COMMD8: variants seen among roughly 807,000 people sequenced by gnomAD.
COMMD8 encodes COMM domain-containing protein 8.
COMMD8 carries 28 observed loss-of-function variants against 27.2 expected under a neutral mutation model. The ratio of observed to expected loss-of-function variants is 1.03; its 90% CI spans 0.76 to 1.41. The LOEUF (loss-of-function observed/expected upper bound fraction) is 1.41, where lower values mean the gene tolerates loss of function less well. COMMD8 is among the 40% of genes most tolerant of loss of function. The probability of loss-of-function intolerance (pLI) is 0.00; values close to 1 mark genes in which losing one functional copy is unlikely to be tolerated. For missense variants in COMMD8, 217 were observed against 211.2 expected (o/e 1.03, Z -0.17); for synonymous variants, 79 against 75.5 (o/e 1.05, Z -0.24).
chr4:47,456,505 T>C, intron 3 of COMMD8, 72 bp downstream of exon 3: 1 of 1,051,642 alleles, frequency 9.5e-7, no homozygotes, highest in Non-Finnish European at 1.3e-6. Flanking sequence ...ATTTTATATA[T>C]ATGATATTAT....
In COMMD8 at chr4:47,451,420, T is replaced by A. The variant is rs1729748116; in HGVS notation, c.*225A>T. 2 of 445,318 alleles carry A rather than the reference T, an allele frequency of 4.5e-6. No homozygotes were observed. The highest frequency in any genetic ancestry group is 4.4e-5 in the Admixed American group (1 of 22,642). 27.6% of individuals were successfully genotyped at this position (445,318 alleles called of 1,614,324 possible). ...GCAAAACAATCATGAAAATATAAAC[T>A]GCTACTATAGATTTTTCATCTTTCA... On this transcript the variant is annotated 3_prime_UTR_variant, in exon 5 of 5. Transcript: ENST00000381571.
chr4:47,452,065 C>G (rs1227270012), intron 4 of COMMD8, among the ~76,000 whole-genome samples: 1 of 152,226 alleles, frequency 6.6e-6, no homozygotes, highest in Non-Finnish European at 1.5e-5. Context: ...GTAAGAATCA[C>G]TGAGACTTAA....
At chr4:47,462,621 T>C (rs1035978263) in intron 1 of COMMD8, among the ~76,000 whole-genome samples, 7 of 152,100 alleles carry the variant, frequency 4.6e-5, no homozygotes, top group African/African-American at 1.7e-4. Context: ...TATATGGTAA[T>C]AAAGGTTATG....
chr4:47,452,382 C>T (rs28625917), intron 4 of COMMD8, among the ~76,000 whole-genome samples: 8 of 152,082 alleles, frequency 5.3e-5, no homozygotes, highest in African/African-American at 1.9e-4. Flanking sequence ...GTTAATAAAG[C>T]CACTTTTTTT....
chr4:47,455,356 T>C (rs1040872905), intron 3 of COMMD8, among the ~76,000 whole-genome samples: 5 of 152,042 alleles, frequency 3.3e-5, no homozygotes, highest in Admixed American at 6.5e-5. Flanking sequence ...AACTCTGAAA[T>C]TGAAATTAAA....
intron 3 of COMMD8, among the ~76,000 whole-genome samples, chr4:47,453,913 T>C (rs1273426897): frequency 6.6e-6 from 1 of 152,198 alleles, no homozygotes; most frequent in East Asian, 1.9e-4. Context: ...TGCTGCCACT[T>C]GCAAAAAAAT....
At chr4:47,461,916 A>T (rs2109358670) in intron 1 of COMMD8, among the ~76,000 whole-genome samples, 1 of 152,352 alleles carries the variant, frequency 6.6e-6, no homozygotes, top group South Asian at 2.1e-4. Context: ...AAATATATAC[A>T]AGGTACGAAG....
At chr4:47,463,177 G>GT (rs1042400696) in intron 1 of COMMD8, among the ~76,000 whole-genome samples, 13 of 151,962 alleles carry the variant, frequency 8.6e-5, no homozygotes, top group South Asian at 6.2e-4. Flanking sequence ...CACCCTCAAG[G>GT]GGGGAGGCAG....
chr4:47,456,519 G>C (rs1450067643), intron 3 of COMMD8, 58 bp downstream of exon 3: 23 of 1,245,034 alleles, frequency 1.8e-5, no homozygotes, highest in Non-Finnish European at 2.4e-5. Flanking sequence ...ATATTATAAA[G>C]ATATTTCTCT....
Position 47,450,917 on chromosome 4 carries a change from T to C in COMMD8, c.*728A>G, listed in dbSNP as rs1017564354. The C allele has an allele frequency of 2.0e-5, 3 of 152,270 alleles. No individual in the cohort carries two copies. Among genetic ancestry groups the C allele is most frequent in the African/African-American group, 7.2e-5 (3 of 41,472 alleles). The allele number at this position is 152,270 out of a possible 1,614,324, so 9.4% of individuals were successfully genotyped here. ...ACAAAAGTGGATGTGTACATAGTCT[T>C]ATCTCATATTTGAATATACACACTG... On this transcript the variant is annotated 3_prime_UTR_variant, in exon 5 of 5. Coordinates refer to ENST00000381571, the MANE Select transcript of COMMD8 (RefSeq NM_017845.5).
chr4:47,454,804 C>T (rs1366192715), intron 3 of COMMD8, among the ~76,000 whole-genome samples: 9 of 122,768 alleles, frequency 7.3e-5, no homozygotes, highest in Non-Finnish European at 1.3e-4. Context: ...GGTGGGGTTG[C>T]GGTGAGCAGA....
At chr4:47,453,328 T>C (rs1029869248) in intron 3 of COMMD8, 114 bp from the exon 4 acceptor site, 19 of 741,260 alleles carry the variant, frequency 2.6e-5, no homozygotes, top group African/African-American at 8.9e-5. Context: ...CTGTTGAGTA[T>C]AGAGAAAGGT....
At chr4:47,456,440 G>A (rs1729892349) in intron 3 of COMMD8, 137 bp downstream of exon 3, 1 of 530,440 alleles carries the variant, frequency 1.9e-6, no homozygotes, top group Non-Finnish European at 3.1e-6. Flanking sequence ...AATTCAAGAT[G>A]TAATTTAAAC....
intron 1 of COMMD8, among the ~76,000 whole-genome samples, chr4:47,461,633 G>T (rs912659692): frequency 6.6e-6 from 1 of 151,918 alleles, no homozygotes; most frequent in African/African-American, 2.4e-5. Flanking sequence ...ATTAAATAAA[G>T]TCATGGAAAT....
intron 4 of COMMD8, among the ~76,000 whole-genome samples, chr4:47,452,557 CTAAT>C (rs1729779478): frequency 6.6e-6 from 1 of 151,784 alleles, no homozygotes. Context: ...ATGTTCAAAA[CTAAT>C]TGAACATTAC....
Position 47,456,651 on chromosome 4 carries a change from T to C in COMMD8, c.301A>G (p.Ile101Val). 1.2e-6 allele frequency: 2 copies of C among 1,610,034 alleles called. No individual in the cohort carries two copies. Among genetic ancestry groups the C allele is most frequent in the East Asian group, 2.2e-5 (1 of 44,544 alleles). Residue 101 changes from isoleucine to valine, a missense_variant, in exon 3 of 5, where the codon ATC becomes GTC. Transcript: ENST00000381571. ...MKCVKSRKDE[I>V]KQALSREIVA... ...ATTTCTCTTGACAGAGCCTGTTTGA[T>C]TTCATCTTTCCTACTTTTCACGCAT...
At chr4:47,455,091 G>A (rs2109354434) in intron 3 of COMMD8, among the ~76,000 whole-genome samples, 1 of 151,954 alleles carries the variant, frequency 6.6e-6, no homozygotes, top group Non-Finnish European at 1.5e-5. Context: ...TTGGTTCACT[G>A]CAAGCTCCAC....
chr4:47,453,140 A>G lies in COMMD8; in HGVS notation c.450T>C (p.Asn150=). The G allele has an allele frequency of 1.9e-6, 3 of 1,613,552 alleles. No individual in the cohort carries two copies. Among genetic ancestry groups the G allele is most frequent in the Non-Finnish European group, 2.5e-6 (3 of 1,179,620 alleles). ...LLSLHLDVKE[N]GEVKPYSIEM... ...CAATAGAATAAGGTTTTACTTCACC[A>G]TTTTCTTTTACATCTAGATGCAGGC... The change falls in exon 4 of 5, where the codon AAT becomes AAC. Residue 150 remains asparagine (N), a synonymous_variant. Coordinates refer to ENST00000381571, the MANE Select transcript of COMMD8 (RefSeq NM_017845.5).
rs1327625956 is a variant in COMMD8, at chr4:47,460,307, GA to G, written c.67-9del. ...AATTATTTTGTGAAGAAGCTAGCAA[GA>G]AAAAAGGAAATAAATGTACTTATAA... On this transcript the variant is annotated splice_polypyrimidine_tract_variant and intron_variant, in intron 1 of 4. Coordinates refer to ENST00000381571, the MANE Select transcript of COMMD8 (RefSeq NM_017845.5). The G allele has an allele frequency of 3.7e-6, 6 of 1,602,348 alleles. No individual in the cohort carries two copies. The highest frequency in any genetic ancestry group is 2.7e-5 in the African/African-American group (2 of 74,110).
Sources: allele counts gnomAD v4.1 joint callset (sites outside exome capture counted in the v4.1 genomes callset), GRCh38; gene constraint gnomAD v4.1.1; transcripts MANE v1.5; gene names NCBI Gene and HGNC (gene_info 2026-07-23, HGNC 2026-07-21).